Variants in COL27A1 observed in about 807,000 individuals in gnomAD.
COL27A1 encodes collagen alpha-1(XXVII) chain.
COL27A1 carries 106 observed loss-of-function variants against 251.3 expected under a neutral mutation model. The ratio of observed to expected loss-of-function variants is 0.42; its 90% CI spans 0.36 to 0.50. The LOEUF is 0.50. Among genes scored for constraint, COL27A1 ranks in the 20% least tolerant of loss-of-function variants. COL27A1 has a pLI of 0.00. For synonymous variants in COL27A1, 1,000 were observed against 986.3 expected, an observed-to-expected ratio of 1.01 and a Z score of -0.26; for missense variants, 2,325 against 2,522.8, an observed-to-expected ratio of 0.92 and a Z score of 1.68.
chr9:114,252,973 C>T (rs778012351), intron 27 of COL27A1, 41 bp downstream of exon 27: 40 of 1,547,470 alleles, frequency 2.6e-5, no homozygotes, highest in Middle Eastern at 1.7e-4. Flanking sequence ...AAACCACTGT[C>T]AGATAAGGGT....
rs1829509492 is a variant in COL27A1 at position 114,312,496 on chromosome 9, A to AT, written c.*1801_*1802insT. ...CTCTGGATTTTAAATAAATATTTAA[A>AT]ACTGAGGCAATGGAATGACACGCCT... On this transcript the variant is annotated 3_prime_UTR_variant, in exon 61 of 61. Transcript: ENST00000356083. The AT allele has an allele frequency of 6.6e-6, 1 of 152,184 alleles. No homozygotes were observed. The highest frequency in any genetic ancestry group is 2.4e-5 in the African/African-American group (1 of 41,434). 9.4% of individuals were successfully genotyped at this position (152,184 alleles called of 1,614,324 possible). A position where few individuals can be genotyped will look rare whatever the true frequency, so the allele number is the denominator to read the frequency against.
At chr9:114,265,348 T>C in intron 31 of COL27A1, 74 bp from the exon 32 acceptor site, 1 of 1,493,880 alleles carries the variant, frequency 6.7e-7, no homozygotes. Flanking sequence ...TACACTAGGA[T>C]GGCTTGCTTG....
intron 28 of COL27A1, among the ~76,000 whole-genome samples, chr9:114,261,662 T>C (rs77391977): frequency 0.041 from 6,199 of 152,316 alleles, 408 homozygotes; most frequent in African/African-American, 0.14. Flanking sequence ...CAGGCCCCAG[T>C]GTGCAGCCTT....
intron 27 of COL27A1, among the ~76,000 whole-genome samples, chr9:114,253,285 G>GAA (rs1408488864): frequency 8.8e-5 from 9 of 102,698 alleles, no homozygotes; most frequent in African/African-American, 4.0e-4. Context: ...AAGAAAGAAA[G>GAA]AGACAGAGAA....
intron 7 of COL27A1, among the ~76,000 whole-genome samples, chr9:114,197,451 C>G (rs771934045): frequency 6.6e-6 from 1 of 152,212 alleles, no homozygotes; most frequent in Non-Finnish European, 1.5e-5. Flanking sequence ...GAGGGACTTG[C>G]GCTCCCCACT....
intron 3 of COL27A1, among the ~76,000 whole-genome samples, chr9:114,170,054 G>A (rs1291902710): frequency 1.3e-5 from 2 of 152,226 alleles, no homozygotes; most frequent in Non-Finnish European, 2.9e-5. Flanking sequence ...TTGGAAAGTG[G>A]GAGATGCGAT....
chr9:114,231,429 A>G (rs1404909357), intron 15 of COL27A1, among the ~76,000 whole-genome samples: 2 of 152,200 alleles, frequency 1.3e-5, no homozygotes, highest in Non-Finnish European at 2.9e-5. Flanking sequence ...CCAGGGCCAT[A>G]GAAACTACCA....
chr9:114,250,399 G>A (rs940314134), intron 24 of COL27A1, among the ~76,000 whole-genome samples: 4 of 152,200 alleles, frequency 2.6e-5, no homozygotes, highest in Non-Finnish European at 5.9e-5. Context: ...CAGCGGCCCC[G>A]CTGCTTGGCT....
intron 16 of COL27A1, among the ~76,000 whole-genome samples, chr9:114,234,668 T>C (rs1832232029): frequency 6.6e-6 from 1 of 152,168 alleles, no homozygotes; most frequent in African/African-American, 2.4e-5. Flanking sequence ...CAGTACATCG[T>C]GTTAGAAGAC....
chr9:114,273,826 C>T (rs1835312309), intron 36 of COL27A1: 1 of 152,372 alleles, frequency 6.6e-6, no homozygotes, highest in Non-Finnish European at 1.5e-5. Context: ...ACGCCCCATC[C>T]TGGAATCCTG....
rs4143245 is a variant in COL27A1, at chr9:114,270,742, T to C, written c.3570T>C (p.Leu1190=). Residue 1190 remains leucine (L), a synonymous_variant, in exon 36 of 61, where the codon CTT becomes CTC. Coordinates refer to ENST00000356083, the MANE Select transcript of COL27A1 (RefSeq NM_032888.4). ...ACCTTTTCCAGGGAGAGCCAGGCCTTGAGGGTGACAGTGGCCCCATGGGAC... is the reference window on the plus strand; with the variant it reads ...ACCTTTTCCAGGGAGAGCCAGGCCTCGAGGGTGACAGTGGCCCCATGGGAC... ...GLIGQRGEPG[L]EGDSGPMGPD... 660,321 of 1,609,222 alleles carry C rather than the reference T, an allele frequency of 0.41. 138,133 individuals are homozygous for C. Among genetic ancestry groups the C allele is most frequent in the Admixed American group, 0.52 (31,023 of 59,516 alleles).
chr9:114,209,576 G>A (rs755755640), intron 10 of COL27A1, 99 bp from the exon 11 acceptor site: 1 of 1,089,486 alleles, frequency 9.2e-7, no homozygotes, highest in Non-Finnish European at 1.4e-6. Context: ...AAGAGGAGGA[G>A]CCGGGATGTG....
At chr9:114,200,121 G>A (rs1490888178) in intron 7 of COL27A1, among the ~76,000 whole-genome samples, 1 of 152,206 alleles carries the variant, frequency 6.6e-6, no homozygotes, top group African/African-American at 2.4e-5. Flanking sequence ...GATGGAGGCT[G>A]CCTGAGACAA....
At chr9:114,216,055 T>C (rs1830689923) in intron 12 of COL27A1, among the ~76,000 whole-genome samples, 1 of 152,220 alleles carries the variant, frequency 6.6e-6, no homozygotes, top group Non-Finnish European at 1.5e-5. Context: ...TGAGTTCTCC[T>C]TGGCATCCTG....
chr9:114,167,850 G>A lies in COL27A1; in HGVS notation c.295G>A (p.Ala99Thr), dbSNP rs748194962. 8.1e-6 allele frequency: 13 copies of A among 1,613,544 alleles called. 1 individual carries two copies. In the South Asian group the frequency reaches 1.3e-4, roughly 16 times the overall value. Reference sequence around the variant, plus strand: ...TCCTGCCGCCTTGGGCACAGAGCTGGCACTGGTGCTGAGCCTCTGCTCCCA... The same window carrying A: ...TCCTGCCGCCTTGGGCACAGAGCTGACACTGGTGCTGAGCCTCTGCTCCCA... The part of the protein sequence containing the change: ...VIPAALGTEL[A>T]LVLSLCSHRV... The change falls in exon 3 of 61, where the codon GCA (alanine) becomes ACA (threonine). Residue 99 changes from alanine to threonine, a missense_variant. By Grantham distance (58) the Ala-to-Thr change is moderately conservative (BLOSUM62 0). Transcript: ENST00000356083.
At chr9:114,270,675 C>A (rs945002950) in intron 35 of COL27A1, 53 bp from the exon 36 acceptor site, 1 of 1,402,788 alleles carries the variant, frequency 7.1e-7, no homozygotes, top group Non-Finnish European at 1.0e-6. Context: ...AAAAGCACAC[C>A]GGGGCCTCCT....
chr9:114,190,317 GCT>G (rs1276597043), intron 5 of COL27A1, among the ~76,000 whole-genome samples: 9 of 152,272 alleles, frequency 5.9e-5, no homozygotes, highest in African/African-American at 2.2e-4. Flanking sequence ...TGTCATCCAG[GCT>G]GGAGTGCAGT....
chr9:114,260,603 C>T (rs936743207), intron 28 of COL27A1, among the ~76,000 whole-genome samples: 9 of 152,252 alleles, frequency 5.9e-5, no homozygotes, highest in Non-Finnish European at 7.4e-5. Context: ...ATGTGTAGGA[C>T]GGGCCCTGCT....
In COL27A1 at chr9:114,265,473, C is replaced by G. The variant is rs150951880; in HGVS notation, c.3391C>G (p.Pro1131Ala). Residue 1131 changes from proline to alanine, a missense_variant and splice_region_variant, in exon 32 of 61, where the codon CCG becomes GCG. Pro to Ala is a conservative substitution (Grantham distance 27, BLOSUM62 -1). This residue lies in a region of COL27A1 where 662 missense variants were observed against 795.3 expected (regional missense o/e 0.83). Transcript: ENST00000356083. ...PPGTKGLPGE[P>A]GPQGPQGPIG... ...AGGCACCAAGGGCCTCCCAGGAGAA[C>G]CGGTAAGAGCCCTTTCCTTCCCTCT... 6.2e-7 allele frequency: 1 copy of G among 1,613,796 alleles called. No homozygotes were observed. Among genetic ancestry groups the G allele is most frequent in the Non-Finnish European group, 8.5e-7 (1 of 1,179,868 alleles).
Sources: allele counts gnomAD v4.1 joint callset (sites outside exome capture counted in the v4.1 genomes callset), GRCh38; gene constraint gnomAD v4.1.1; regional missense constraint gnomAD v4.1.1; transcripts MANE v1.5; gene names NCBI Gene and HGNC (gene_info 2026-07-23, HGNC 2026-07-21).